The following TENM1 variants were observed in gnomAD, a reference collection of about 807,000 sequenced individuals.
The protein encoded by TENM1 is teneurin-1.
Under a neutral mutation model 174.8 loss-of-function variants are expected in TENM1, and 35 were observed. The ratio of observed to expected loss-of-function variants is 0.20; its 90% CI spans 0.15 to 0.27. The LOEUF (loss-of-function observed/expected upper bound fraction) is 0.27. Among genes scored for constraint, TENM1 ranks in the 10% least tolerant of loss-of-function variants. TENM1 has a pLI of 1.00. For synonymous variants in TENM1, 781 were observed against 798.7 expected, an observed-to-expected ratio of 0.98 and a Z score of 0.37; for missense variants, 1,633 against 2,130.1, an observed-to-expected ratio of 0.77 and a Z score of 4.59.
the TENM1 span, among the ~76,000 whole-genome samples, chrX:125,160,829 A>G: frequency 2.7e-5 from 3 of 109,870 alleles, no homozygotes; most frequent in Non-Finnish European, 5.7e-5. Flanking sequence ...GACACTCTTA[A>G]ATTGTTGATG....
chrX:124,908,726 T>A (rs1307085584), intron 1 of TENM1, among the ~76,000 whole-genome samples: 1 of 111,756 alleles, frequency 8.9e-6, no homozygotes, highest in Non-Finnish European at 1.9e-5. Flanking sequence ...TCCTCTTTTT[T>A]AATATGTAAA....
intron 14 of TENM1, among the ~76,000 whole-genome samples, chrX:124,556,308 C>T (rs1433808876): frequency 2.4e-5 from 2 of 82,323 alleles, no homozygotes; most frequent in Admixed American, 1.5e-4. Flanking sequence ...GTCGGAGGGG[C>T]GGGGGTGGCA....
At chrX:125,191,435 AATG>A in the TENM1 span, among the ~76,000 whole-genome samples, 34 of 112,018 alleles carry the variant, frequency 3.0e-4, no homozygotes, top group Non-Finnish European at 5.8e-4. Flanking sequence ...GATACCAGTT[AATG>A]ATGAGTAATA....
chrX:124,791,505 T>C (rs1272082075), intron 3 of TENM1, among the ~76,000 whole-genome samples: 1 of 112,019 alleles, frequency 8.9e-6, no homozygotes, highest in East Asian at 2.8e-4. Flanking sequence ...TTAATATGCA[T>C]GGACAAAAAA....
At chrX:124,763,550 T>C (rs930425783) in intron 3 of TENM1, among the ~76,000 whole-genome samples, 10 of 110,901 alleles carry the variant, frequency 9.0e-5, no homozygotes, top group African/African-American at 3.3e-4. Flanking sequence ...AGACATGAGG[T>C]TCTTTGTGTC....
chrX:125,169,571 C>A, the TENM1 span, among the ~76,000 whole-genome samples: 20 of 111,335 alleles, frequency 1.8e-4, no homozygotes, highest in African/African-American at 6.2e-4. Flanking sequence ...TCTTCATTTT[C>A]TCTCAATACT....
At chrX:124,737,524 C>G (rs1308032307) in intron 3 of TENM1, among the ~76,000 whole-genome samples, 1 of 112,103 alleles carries the variant, frequency 8.9e-6, no homozygotes, top group Non-Finnish European at 1.9e-5. Context: ...CACCAAGTTA[C>G]AGAACAGAAG....
At chrX:125,048,844 A>G in the TENM1 span, among the ~76,000 whole-genome samples, 2 of 111,646 alleles carry the variant, frequency 1.8e-5, no homozygotes, top group East Asian at 2.8e-4. Context: ...ATGGTTACCT[A>G]GATTCTGAAT....
chrX:124,591,454 A>T (rs1174416024), intron 11 of TENM1, among the ~76,000 whole-genome samples: 1 of 111,559 alleles, frequency 9.0e-6, no homozygotes, highest in African/African-American at 3.3e-5. Context: ...TTGTCTGGAA[A>T]AGTTTTTATT....
chrX:124,444,092 C>A (rs949695862), intron 23 of TENM1, among the ~76,000 whole-genome samples: 1 of 111,972 alleles, frequency 8.9e-6, no homozygotes, highest in Admixed American at 9.5e-5. Flanking sequence ...CATAATCTAA[C>A]AGATAACTAG....
chrX:124,380,880 A>G (rs749309019), exon 32 of TENM1: 2 of 1,211,526 alleles, frequency 1.7e-6, no homozygotes, highest in Non-Finnish European at 2.2e-6. Flanking sequence ...CTCCCATTCA[A>G]CACAGAAGTC....
intron 3 of TENM1, among the ~76,000 whole-genome samples, chrX:124,833,264 C>T (rs184452321): frequency 1.8e-5 from 2 of 111,732 alleles, no homozygotes; most frequent in South Asian, 3.7e-4. Flanking sequence ...AGAAGCATTT[C>T]GTGGAAAATC....
chrX:124,468,060 T>C (rs1330320252), intron 22 of TENM1, among the ~76,000 whole-genome samples: 1 of 111,522 alleles, frequency 9.0e-6, no homozygotes, highest in Non-Finnish European at 1.9e-5. Context: ...ACTTAAAATG[T>C]TTCAAAATTA....
At chrX:124,622,972 G>A (rs1348671587) in intron 11 of TENM1, among the ~76,000 whole-genome samples, 4 of 111,975 alleles carry the variant, frequency 3.6e-5, no homozygotes, top group Admixed American at 9.5e-5. Flanking sequence ...TGCCCTCTCT[G>A]ATGTAGAATG....
intron 3 of TENM1, among the ~76,000 whole-genome samples, chrX:124,786,667 C>T (rs746144668): frequency 6.3e-5 from 7 of 111,758 alleles, no homozygotes; most frequent in African/African-American, 9.7e-5. Context: ...GTTTGAAAAA[C>T]CAATGGAGTC....
intron 3 of TENM1, among the ~76,000 whole-genome samples, chrX:124,758,351 C>T (rs924967074): frequency 2.7e-5 from 3 of 110,991 alleles, no homozygotes; most frequent in Non-Finnish European, 3.8e-5. Flanking sequence ...TATCTTATAC[C>T]CATTAGGATG....
chrX:124,798,780 T>G (rs1401788719), intron 3 of TENM1, among the ~76,000 whole-genome samples: 1 of 111,946 alleles, frequency 8.9e-6, no homozygotes, highest in African/African-American at 3.2e-5. Context: ...GTATCCTGAA[T>G]GGTATTGCCT....
intron 23 of TENM1, among the ~76,000 whole-genome samples, chrX:124,447,637 G>A (rs1246865119): frequency 9.0e-6 from 1 of 111,621 alleles, no homozygotes; most frequent in Non-Finnish European, 1.9e-5. Flanking sequence ...TGATCCCTAA[G>A]CAGCATTTGA....
chrX:124,569,183 G>A (rs1162511782), intron 11 of TENM1, among the ~76,000 whole-genome samples: 2 of 103,176 alleles, frequency 1.9e-5, no homozygotes, highest in Non-Finnish European at 4.0e-5. Context: ...GGGCAACAGA[G>A]TGAGGCCCTG....
Sources: allele counts gnomAD v4.1 joint callset (sites outside exome capture counted in the v4.1 genomes callset), GRCh38; gene constraint gnomAD v4.1.1; transcripts MANE v1.5; gene names NCBI Gene and HGNC (gene_info 2026-07-23, HGNC 2026-07-21).